GFPT2: variants seen among roughly 807,000 people sequenced by gnomAD.
GFPT2 encodes the protein glutamine--fructose-6-phosphate transaminase 2, also known as glutamine--fructose-6-phosphate aminotransferase [isomerizing] 2.
A neutral mutation model predicts 85.6 loss-of-function variants in GFPT2; 62 were observed. The ratio of observed to expected loss-of-function variants is 0.72; its 90% CI spans 0.59 to 0.90. The LOEUF (loss-of-function observed/expected upper bound fraction) is 0.90, where lower values mean the gene tolerates loss of function less well. Among genes scored for constraint, GFPT2 ranks in the 40% least tolerant of loss-of-function variants. The probability of loss-of-function intolerance (pLI) is 0.00; values close to 1 mark genes in which losing one functional copy is unlikely to be tolerated. For synonymous variants in GFPT2, 368 were observed against 344.5 expected (o/e 1.07, Z -0.75); for missense variants, 788 against 893.4 (o/e 0.88, Z 1.50).
chr5:180,311,424 G>T (rs1763878800), intron 15 of GFPT2, among the ~76,000 whole-genome samples: 1 of 152,214 alleles, frequency 6.6e-6, no homozygotes, highest in South Asian at 2.1e-4. Flanking sequence ...GGAGGCCACG[G>T]TCCCCAAGGA....
chr5:180,310,932 CCTGTGGACCACAT>C (rs888929260), intron 15 of GFPT2, among the ~76,000 whole-genome samples: 2 of 151,410 alleles, frequency 1.3e-5, no homozygotes, highest in Non-Finnish European at 2.9e-5. Context: ...ACACCCAGGA[CCTGTGGACCACAT>C]CTGGAGAACC....
At chr5:180,329,965 C>G (rs1229269333) in intron 6 of GFPT2, among the ~76,000 whole-genome samples, 1 of 152,224 alleles carries the variant, frequency 6.6e-6, no homozygotes, top group African/African-American at 2.4e-5. Flanking sequence ...CCCAATCTCT[C>G]TCCCTCTCTC....
rs1411248433 is a variant in GFPT2, at chr5:180,316,897, T to C, written c.1055-36A>G. The C allele has an allele frequency of 1.0e-5, 16 of 1,574,122 alleles. No homozygotes were observed. In the South Asian group the frequency reaches 1.8e-4, roughly 17 times the overall value. On this transcript the variant is annotated intron_variant, in intron 11 of 18. Coordinates refer to ENST00000253778, the MANE Select transcript of GFPT2 (RefSeq NM_005110.4). ...CACGACAAGGCGTTAATGCTGAGTC[T>C]ACACAGTCACCGCATTCCCTGAGAC... is the stretch of plus-strand genomic sequence containing the variant.
At chr5:180,341,765 G>C (rs1441232083) in intron 1 of GFPT2, among the ~76,000 whole-genome samples, 1 of 152,176 alleles carries the variant, frequency 6.6e-6, no homozygotes, top group Non-Finnish European at 1.5e-5. Flanking sequence ...GTGCAGTTCA[G>C]GCCCTTCTCC....
rs980804570 is a variant in GFPT2, at chr5:180,328,497, C to G, written c.535-159G>C. ...GAACAGCGCATCCGGGGTGACATCACGAGGGAAAGCAAAACAGACGGTGCC... is the reference window on the plus strand; with the variant it reads ...GAACAGCGCATCCGGGGTGACATCAGGAGGGAAAGCAAAACAGACGGTGCC... On this transcript the variant is annotated intron_variant, in intron 6 of 18. Transcript: ENST00000253778. This position sits in a 1 kb window ranked among gnomAD's most constrained non-coding sequence, Gnocchi z 5.4. Among the ~76,000 whole-genome samples, 10 of 152,140 alleles carry G rather than the reference C, an allele frequency of 6.6e-5. No individual in the cohort carries two copies. The highest frequency in any genetic ancestry group is 2.4e-4 in the African/African-American group (10 of 41,424).
rs1764284652 is a variant in GFPT2, at chr5:180,330,644, AT to A, written c.534+55del. 6.8e-7 allele frequency: 1 copy of A among 1,468,548 alleles called. No homozygotes were observed. Among genetic ancestry groups the A allele is most frequent in the Admixed American group, 1.8e-5 (1 of 55,562 alleles). 91.0% of individuals were successfully genotyped at this position (1,468,548 alleles called of 1,614,324 possible). On this transcript the variant is annotated intron_variant, in intron 6 of 18. Coordinates refer to ENST00000253778, the MANE Select transcript of GFPT2 (RefSeq NM_005110.4). The surrounding 1 kb of genome is among the most constrained non-coding windows in gnomAD (Gnocchi z 4.4). The stretch of plus-strand genomic sequence containing the variant: ...CCTTGGCACTTGCTGCTTGAAAAAA[AT>A]GTTTTTAATGAAAGAATGAAGGAAT...
chr5:180,324,990 C>A, intron 7 of GFPT2, 95 bp from the exon 8 acceptor site: 1 of 813,660 alleles, frequency 1.2e-6, no homozygotes. Context: ...CAAATCTAGC[C>A]CTTTCCCAGT....
intron 10 of GFPT2, among the ~76,000 whole-genome samples, 178 bp from the exon 11 acceptor site, chr5:180,317,236 T>C (rs1764028219): frequency 6.6e-6 from 1 of 152,140 alleles, no homozygotes; most frequent in African/African-American, 2.4e-5. Flanking sequence ...CAGGACTATC[T>C]CCAATTTACA....
In GFPT2 at chr5:180,340,292, C is replaced by T. The variant is rs545924450; in HGVS notation, c.8-1692G>A. ...CACGATCTTGGCTCATGGCAACCTCCGCCTCCCGGGTTCAAGCGATTCTCT... is the reference window on the plus strand; with the variant it reads ...CACGATCTTGGCTCATGGCAACCTCTGCCTCCCGGGTTCAAGCGATTCTCT... On this transcript the variant is annotated intron_variant, in intron 1 of 18. Transcript: ENST00000253778. Among the ~76,000 whole-genome samples the T allele has an allele frequency of 5.3e-5, 8 of 152,090 alleles. No individual in the cohort carries two copies. The East Asian group carries it at 1.2e-3, about 22-fold the overall frequency.
intron 2 of GFPT2, among the ~76,000 whole-genome samples, chr5:180,337,094 G>A (rs548209507): frequency 2.1e-4 from 32 of 152,342 alleles, no homozygotes; most frequent in African/African-American, 7.5e-4. Context: ...GCAGTGAATG[G>A]AGGCCTGAAC....
chr5:180,316,451 A>T lies in GFPT2; in HGVS notation c.1163T>A (p.Val388Asp). 1.2e-6 allele frequency: 2 copies of T among 1,614,006 alleles called. No individual in the cohort carries two copies. The highest frequency in any genetic ancestry group is 1.7e-6 in the Non-Finnish European group (2 of 1,179,962). The stretch of plus-strand genomic sequence containing the variant: ...AGGAAGCTCAGTCAGTTCCTCCAAA[A>T]CTTGCCGCGTCTGAAGCCAACAAGC... ...SYHAAVATRQVLEELTELPVM... is the reference protein window; with the variant it reads ...SYHAAVATRQDLEELTELPVM... The change falls in exon 13 of 19, where the codon GTT becomes GAT. Residue 388 changes from valine to aspartate, a missense_variant. Coordinates refer to ENST00000253778, the MANE Select transcript of GFPT2 (RefSeq NM_005110.4).
intron 1 of GFPT2, among the ~76,000 whole-genome samples, chr5:180,349,675 C>T (rs1233574574): frequency 6.6e-6 from 1 of 151,854 alleles, no homozygotes; most frequent in African/African-American, 2.4e-5. Flanking sequence ...TTGATCTGGG[C>T]CAAGTAAAAC....
chr5:180,319,815 A>G (rs1194128244), intron 9 of GFPT2, among the ~76,000 whole-genome samples: 1 of 152,174 alleles, frequency 6.6e-6, no homozygotes, highest in Non-Finnish European at 1.5e-5. Context: ...TACAGGAAAC[A>G]CAGGGGACAG....
At chr5:180,326,401 T>C (rs1764211821) in intron 7 of GFPT2, among the ~76,000 whole-genome samples, 1 of 152,258 alleles carries the variant, frequency 6.6e-6, no homozygotes, top group East Asian at 1.9e-4. Flanking sequence ...CTTAGATCAA[T>C]GAACTAATGA....
chr5:180,335,679 G>A, intron 4 of GFPT2, 149 bp downstream of exon 4: 1 of 825,388 alleles, frequency 1.2e-6, no homozygotes, highest in South Asian at 1.8e-5. Context: ...GCAGAGCTCT[G>A]GGAGAGGGGA....
chr5:180,302,812 C>T (rs1340067200), intron 17 of GFPT2, among the ~76,000 whole-genome samples: 1 of 152,124 alleles, frequency 6.6e-6, no homozygotes, highest in Non-Finnish European at 1.5e-5. Context: ...GATTGCCATC[C>T]TGCTGCATCA....
At position 180,337,193 on chromosome 5, in the gene GFPT2, G is replaced by C. The variant is rs755112302; in HGVS notation, c.116-616C>G. Among the ~76,000 whole-genome samples the C allele has an allele frequency of 6.1e-4, 93 of 152,340 alleles. 1 individual carries two copies. Among genetic ancestry groups the C allele is most frequent in the African/African-American group, 2.1e-3 (86 of 41,582 alleles). The stretch of plus-strand genomic sequence containing the variant: ...GGATCGGCCGGGTGCGGTGGCTCAC[G>C]CCTGTAATCCCAGCACTTTGGGAGG... On this transcript the variant is annotated intron_variant, in intron 2 of 18. Transcript: ENST00000253778.
intron 4 of GFPT2, among the ~76,000 whole-genome samples, chr5:180,332,281 G>A (rs898620307): frequency 6.6e-6 from 1 of 152,046 alleles, no homozygotes; most frequent in Non-Finnish European, 1.5e-5. Context: ...ATGCGGTGAG[G>A]GATGTCTGCC....
Position 180,331,435 on chromosome 5 carries a change from A to C in GFPT2, c.399+60T>G. ...TTCCGCAAGGAAATGAGCTGGCTGG[A>C]AAGTTTCTGGGGAGACCAATCCCAC... On this transcript the variant is annotated intron_variant, in intron 5 of 18. Coordinates refer to ENST00000253778, the MANE Select transcript of GFPT2 (RefSeq NM_005110.4). 10 of 987,676 alleles carry C rather than the reference A, an allele frequency of 1.0e-5. 1 individual carries two copies. The South Asian group carries it at 1.2e-4, about 12-fold the overall frequency. The allele number at this position is 987,676 out of a possible 1,614,324, so 61.2% of individuals were successfully genotyped here.
Sources: allele counts gnomAD v4.1 joint callset (sites outside exome capture counted in the v4.1 genomes callset), GRCh38; gene constraint gnomAD v4.1.1; non-coding constraint Gnocchi (gnomAD v3.1); transcripts MANE v1.5; gene names NCBI Gene and HGNC (gene_info 2026-07-23, HGNC 2026-07-21).